The following PDE5A variants were observed in gnomAD, a reference collection of about 807,000 sequenced individuals.
PDE5A encodes cGMP-specific 3',5'-cyclic phosphodiesterase.
In PDE5A, 67 loss-of-function variants were observed where a neutral mutation model predicts 110.2. The ratio of observed to expected loss-of-function variants is 0.61; its 90% confidence interval spans 0.50 to 0.75. The LOEUF (loss-of-function observed/expected upper bound fraction) is 0.75, where lower values mean the gene tolerates loss of function less well. PDE5A is among the 30% of genes least tolerant of loss of function. PDE5A has a pLI of 0.00. For synonymous variants in PDE5A, 328 were observed against 351.2 expected (o/e 0.93, Z 0.74); for missense variants, 862 against 1,045.1 (o/e 0.82, Z 2.42).
Position 119,615,765 on chromosome 4 carries a change from A to C in PDE5A, c.153-8468T>G, listed in dbSNP as rs1431245953. On this transcript the variant is annotated intron_variant, in intron 1 of 20. Transcript: ENST00000354960. The stretch of plus-strand genomic sequence containing the variant: ...TCTGGACTCTCCACTTTCATGTATA[A>C]GTGTATCTTTGCTAACTGCCCTGCA... Among the ~76,000 whole-genome samples, 5 of 152,270 alleles carry C rather than the reference A, an allele frequency of 3.3e-5. No homozygotes were observed. The East Asian group carries it at 7.7e-4, about 24-fold the overall frequency.
chr4:119,501,051 A>G, intron 20 of PDE5A, 119 bp downstream of exon 20: 9 of 627,858 alleles, frequency 1.4e-5, no homozygotes, highest in Admixed American at 2.9e-5. Context: ...CATACTGCTA[A>G]TAATTTTATT....
intron 4 of PDE5A, among the ~76,000 whole-genome samples, chr4:119,565,944 TTAA>T (rs1421794311): frequency 7.1e-6 from 1 of 141,648 alleles, no homozygotes; most frequent in African/African-American, 2.5e-5. Flanking sequence ...TGATTGACTA[TTAA>T]TTATTATTAA....
chr4:119,564,552 G>C (rs1209661451), intron 5 of PDE5A, among the ~76,000 whole-genome samples: 1 of 151,934 alleles, frequency 6.6e-6, no homozygotes, highest in Non-Finnish European at 1.5e-5. Flanking sequence ...ACCTCAGTTT[G>C]GACCTCTGCA....
intron 1 of PDE5A, among the ~76,000 whole-genome samples, chr4:119,624,845 C>T (rs1025816466): frequency 1.3e-5 from 2 of 152,140 alleles, no homozygotes; most frequent in Non-Finnish European, 2.9e-5. Context: ...TAGCTGAGGC[C>T]TTCAGGACTG....
In PDE5A at chr4:119,501,251, A is replaced by T. The variant is rs200615863; in HGVS notation, c.2409T>A (p.Asp803Glu). Residue 803 changes from aspartate (D) to glutamate (E), a missense_variant and splice_region_variant, in exon 20 of 21, where the codon GAT (aspartate) becomes GAA (glutamate). Physicochemically the swap from Asp to Glu is conservative, Grantham distance 45. Transcript: ENST00000354960. The part of the protein sequence containing the change: ...ERKELNIEPT[D>E]LMNREKKNKI... ...TGTTTTTCTTCTCCCTGTTCATTAG[A>T]TCCTGAAAATACAAATACAGACCAG... is the stretch of plus-strand genomic sequence containing the variant. 6.3e-7 allele frequency: 1 copy of T among 1,584,554 alleles called. No individual in the cohort carries two copies. Among genetic ancestry groups the T allele is most frequent in the Non-Finnish European group, 8.7e-7 (1 of 1,153,436 alleles).
intron 3 of PDE5A, among the ~76,000 whole-genome samples, chr4:119,580,151 A>G (rs1433016889): frequency 6.6e-6 from 1 of 152,174 alleles, no homozygotes; most frequent in Non-Finnish European, 1.5e-5. Flanking sequence ...AATGCTTGGC[A>G]TAATTATTGA....
chr4:119,584,069 C>T (rs1218574519), intron 3 of PDE5A, among the ~76,000 whole-genome samples: 1 of 152,104 alleles, frequency 6.6e-6, no homozygotes, highest in African/African-American at 2.4e-5. Context: ...GGGAGGCTGG[C>T]CCTTGCTGGT....
intron 3 of PDE5A, among the ~76,000 whole-genome samples, chr4:119,573,643 A>G (rs1728216751): frequency 6.6e-6 from 1 of 152,172 alleles, no homozygotes; most frequent in East Asian, 1.9e-4. Context: ...TATACCTATG[A>G]TTTATCTCAA....
At chr4:119,571,335 T>A (rs1021462329) in intron 3 of PDE5A, among the ~76,000 whole-genome samples, 3 of 152,008 alleles carry the variant, frequency 2.0e-5, no homozygotes, top group African/African-American at 7.2e-5. Context: ...AAGTTAAAGA[T>A]CTGGAGATGG....
chr4:119,618,683 T>C (rs951614984), intron 1 of PDE5A, among the ~76,000 whole-genome samples: 1 of 145,344 alleles, frequency 6.9e-6, no homozygotes, highest in Non-Finnish European at 1.5e-5. Flanking sequence ...ATATAAAAGT[T>C]AAAACTGTTT....
At chr4:119,553,568 G>C in intron 8 of PDE5A, 70 bp downstream of exon 8, 2 of 807,180 alleles carry the variant, frequency 2.5e-6, no homozygotes, top group South Asian at 1.4e-5. Flanking sequence ...TTCAGTTCAA[G>C]AATAACTGTA....
At chr4:119,548,452 C>T (rs1369980878) in intron 9 of PDE5A, 1 of 152,184 alleles carries the variant, frequency 6.6e-6, no homozygotes, top group African/African-American at 2.4e-5. Context: ...TTTAATTTTA[C>T]TCAATGAAAG....
intron 1 of PDE5A, among the ~76,000 whole-genome samples, chr4:119,615,750 C>T (rs28578366): frequency 0.26 from 39,845 of 152,008 alleles, 5,426 homozygotes; most frequent in East Asian, 0.39. Flanking sequence ...TCTGGACTCT[C>T]CACTTTCATG....
intron 3 of PDE5A, among the ~76,000 whole-genome samples, chr4:119,587,528 C>T (rs1377781977): frequency 5.9e-5 from 9 of 151,990 alleles, no homozygotes; most frequent in African/African-American, 1.9e-4. Flanking sequence ...GGACTACAGG[C>T]GCCCGCCACC....
At chr4:119,580,030 C>A (rs1340843357) in intron 3 of PDE5A, among the ~76,000 whole-genome samples, 1 of 152,094 alleles carries the variant, frequency 6.6e-6, no homozygotes, top group Admixed American at 6.6e-5. Flanking sequence ...GACGTCGCTC[C>A]CCAGACGGGG....
chr4:119,621,143 T>G (rs916811117), intron 1 of PDE5A, among the ~76,000 whole-genome samples: 1 of 152,250 alleles, frequency 6.6e-6, no homozygotes, highest in Non-Finnish European at 1.5e-5. Context: ...TTTTATTTAT[T>G]CTACTTCTAA....
At chr4:119,584,856 G>A (rs760638794) in intron 3 of PDE5A, among the ~76,000 whole-genome samples, 28 of 152,162 alleles carry the variant, frequency 1.8e-4, no homozygotes, top group Admixed American at 3.9e-4. Flanking sequence ...GGCAGAAAAC[G>A]ATGGTGCAGA....
chr4:119,626,258 A>G (rs1730342928), intron 1 of PDE5A, among the ~76,000 whole-genome samples: 1 of 152,172 alleles, frequency 6.6e-6, no homozygotes, highest in African/African-American at 2.4e-5. Flanking sequence ...GAGAAAAAGT[A>G]ATGGGAAAAG....
At chr4:119,519,404 A>T (rs1157569082) in intron 13 of PDE5A, 3 of 370,920 alleles carry the variant, frequency 8.1e-6, no homozygotes, top group African/African-American at 6.2e-5. Flanking sequence ...CACCTATAGT[A>T]AGTATTGCTA....
Sources: allele counts gnomAD v4.1 joint callset (sites outside exome capture counted in the v4.1 genomes callset), GRCh38; gene constraint gnomAD v4.1.1; transcripts MANE v1.5; gene names NCBI Gene and HGNC (gene_info 2026-07-23, HGNC 2026-07-21).